Variants in CCAR2 observed in about 807,000 individuals in gnomAD.
The protein encoded by CCAR2 is cell cycle and apoptosis regulator protein 2.
Under a neutral mutation model 108.1 loss-of-function variants are expected in CCAR2, and 21 were observed. That is an observed-to-expected ratio of 0.19 (90% CI 0.14 to 0.28). CCAR2 has a LOEUF of 0.28. Ranked by LOEUF, CCAR2 falls within the 10% of genes least tolerant of loss-of-function variation. CCAR2 has a pLI of 1.00. For missense variants in CCAR2, 1,126 were observed against 1,177.0 expected, an observed-to-expected ratio of 0.96 and a Z score of 0.63; for synonymous variants, 577 against 472.8, an observed-to-expected ratio of 1.22 and a Z score of -2.86.
In CCAR2 at chr8:22,608,073, G is replaced by A. The variant is rs772837729; in HGVS notation, c.584+8G>A. The A allele has an allele frequency of 1.9e-6, 3 of 1,605,116 alleles. No homozygotes were observed. The highest frequency in any genetic ancestry group is 2.2e-5 in the East Asian group (1 of 44,820). On this transcript the variant is annotated splice_region_variant and intron_variant, in intron 7 of 20. Transcript: ENST00000308511. ...GTTGGATCAGGGCCGAAGGTAAGAG[G>A]ATGATGTCCCTTTTTTTGGCCACTT...
chr8:22,619,765 G>C lies in CCAR2; in HGVS notation c.*83G>C, dbSNP rs200564430. ...AGCCCTTGCGGTACCAGAAAGCAGCGAGAGCGAGACCTGGGAGCCAGGGCA... is the reference window on the plus strand; with the variant it reads ...AGCCCTTGCGGTACCAGAAAGCAGCCAGAGCGAGACCTGGGAGCCAGGGCA... On this transcript the variant is annotated 3_prime_UTR_variant, in exon 21 of 21. Coordinates refer to ENST00000308511, the MANE Select transcript of CCAR2 (RefSeq NM_001393997.1). 2.1e-6 allele frequency: 3 copies of C among 1,457,440 alleles called. No homozygotes were observed. The highest frequency in any genetic ancestry group is 1.9e-6 in the Non-Finnish European group (2 of 1,069,396). The allele number at this position is 1,457,440 out of a possible 1,614,324, so 90.3% of individuals were successfully genotyped here.
Position 22,618,629 on chromosome 8 carries a change from G to C in CCAR2, c.2233G>C (p.Val745Leu). 1 of 1,614,110 alleles carries C rather than the reference G, an allele frequency of 6.2e-7. No homozygotes were observed. The highest frequency in any genetic ancestry group is 8.5e-7 in the Non-Finnish European group (1 of 1,180,044). The change falls in exon 18 of 21, where the codon GTC becomes CTC. Residue 745 changes from valine to leucine, a missense_variant. Physicochemically the swap from Val to Leu is conservative, Grantham distance 32. Coordinates refer to ENST00000308511, the MANE Select transcript of CCAR2 (RefSeq NM_001393997.1). ...GTGTTTTCTGCAGGCCAAGCAGCTGGTCAGCAGGGTGGTGACCCAGAACAT... is the reference window on the plus strand; with the variant it reads ...GTGTTTTCTGCAGGCCAAGCAGCTGCTCAGCAGGGTGGTGACCCAGAACAT... Reference protein sequence around the residue: ...RLSAEQAKQLVSRVVTQNICQ... With the variant: ...RLSAEQAKQLLSRVVTQNICQ...
chr8:22,606,802 T>C (rs1586945954), intron 4 of CCAR2, 104 bp downstream of exon 4: 1 of 1,477,692 alleles, frequency 6.8e-7, no homozygotes, highest in Non-Finnish European at 9.4e-7. Flanking sequence ...TTTGCTGTTT[T>C]TGTGCAAGGT....
chr8:22,619,463 C>A, intron 20 of CCAR2, 108 bp downstream of exon 20: 1 of 1,432,836 alleles, frequency 7.0e-7, no homozygotes. Flanking sequence ...CCAGCAGGCA[C>A]CGGCTTCGTC....
At position 22,617,759 on chromosome 8, in the gene CCAR2, T is replaced by A; in HGVS notation, c.2054T>A (p.Phe685Tyr). The A allele has an allele frequency of 6.2e-7, 1 of 1,613,772 alleles. No individual in the cohort carries two copies. The highest frequency in any genetic ancestry group is 8.5e-7 in the Non-Finnish European group (1 of 1,179,984). ...SVASNQSEME[F>Y]SSLQDMPKEL... ...GCCTCAAACCAGTCAGAGATGGAGTTCTCTTCACTTCAGGACATGGTGAGG... is the reference window on the plus strand; with the variant it reads ...GCCTCAAACCAGTCAGAGATGGAGTACTCTTCACTTCAGGACATGGTGAGG... The change falls in exon 16 of 21, where the codon TTC becomes TAC. Residue 685 changes from phenylalanine (F) to tyrosine (Y), a missense_variant. Coordinates refer to ENST00000308511, the MANE Select transcript of CCAR2 (RefSeq NM_001393997.1).
intron 7 of CCAR2, among the ~76,000 whole-genome samples, chr8:22,608,288 C>T (rs1209868984): frequency 6.6e-6 from 1 of 152,046 alleles, no homozygotes; most frequent in East Asian, 1.9e-4. Flanking sequence ...GAATTTTATA[C>T]AGTGGTTAAG....
chr8:22,615,842 C>T lies in CCAR2; in HGVS notation c.1538C>T (p.Pro513Leu), dbSNP rs766746669. 3.7e-6 allele frequency: 6 copies of T among 1,614,058 alleles called. No individual in the cohort carries two copies. Among genetic ancestry groups the T allele is most frequent in the Non-Finnish European group, 4.2e-6 (5 of 1,180,048 alleles). The change falls in exon 13 of 21, where the codon CCT becomes CTT. Residue 513 changes from proline to leucine, a missense_variant. Physicochemically the swap from Pro to Leu is moderately conservative, Grantham distance 98. This residue lies in a region of CCAR2 where 1,013 missense variants were observed against 993.9 expected (regional missense o/e 1.02). Transcript: ENST00000308511. ...PPLEPAVIAR[P>L]GCVNLSLHGI... is the part of the protein sequence containing the mutation. ...CTAGAACCTGCTGTCATCGCACGCC[C>T]TGGCTGTGTAAACCTGTCCCTCCAT...
intron 18 of CCAR2, 37 bp from the exon 19 acceptor site, chr8:22,618,790 G>A (rs1484246325): frequency 1.9e-6 from 3 of 1,613,264 alleles, no homozygotes; most frequent in Non-Finnish European, 2.5e-6. Context: ...CCTCTCTGGA[G>A]ACTCCATCCT....
In CCAR2 at chr8:22,611,915, G is replaced by A. The variant is rs111836502; in HGVS notation, c.585-1102G>A. On this transcript the variant is annotated intron_variant, in intron 7 of 20. Coordinates refer to ENST00000308511, the MANE Select transcript of CCAR2 (RefSeq NM_001393997.1). ...GTTTGAGTGTTTTTATGACTTTAAT[G>A]TGTATTATTAAGGATTTGTAACTGT... 5.6e-3 allele frequency among the ~76,000 whole-genome samples: 851 copies of A among 150,770 alleles called. 4 individuals are homozygous for A. The highest frequency in any genetic ancestry group is 0.021 in the Middle Eastern group (6 of 286).
Position 22,619,865 on chromosome 8 carries a change from A to G in CCAR2, c.*183A>G, listed in dbSNP as rs1228561956. 3.2e-6 allele frequency: 2 copies of G among 616,146 alleles called. No individual in the cohort carries two copies. The highest frequency in any genetic ancestry group is 5.7e-6 in the Non-Finnish European group (2 of 348,702). The allele number at this position is 616,146 out of a possible 1,614,324, so 38.2% of individuals were successfully genotyped here. On this transcript the variant is annotated 3_prime_UTR_variant, in exon 21 of 21. Coordinates refer to ENST00000308511, the MANE Select transcript of CCAR2 (RefSeq NM_001393997.1). Reference sequence around the variant, plus strand: ...CTGGGGGCTGTGCTATGTGGGATGGATGTGTGAGGAACCCCGGTTCCACTT... The same window carrying G: ...CTGGGGGCTGTGCTATGTGGGATGGGTGTGTGAGGAACCCCGGTTCCACTT...
intron 7 of CCAR2, among the ~76,000 whole-genome samples, chr8:22,611,388 A>ATATGTGTGTGTGTGTGTGTG (rs1554559973): frequency 8.2e-4 from 105 of 128,486 alleles, no homozygotes; most frequent in East Asian, 1.7e-3. Flanking sequence ...AAGTATATAT[A>ATATGTGTGTGTGTGTGTGTG]TGTGTGTGTG....
In CCAR2 at chr8:22,614,501, A is replaced by G; in HGVS notation, c.1039A>G (p.Lys347Glu). The G allele has an allele frequency of 6.2e-7, 1 of 1,613,518 alleles. No homozygotes were observed. The highest frequency in any genetic ancestry group is 8.5e-7 in the Non-Finnish European group (1 of 1,179,588). Residue 347 changes from lysine (K) to glutamate (E), a missense_variant and splice_region_variant, in exon 10 of 21, where the codon AAG (lysine) becomes GAG (glutamate). Coordinates refer to ENST00000308511, the MANE Select transcript of CCAR2 (RefSeq NM_001393997.1). The part of the protein sequence containing the change: ...ETPEHPLKQI[K>E]FLLGRKEEEA... ...GCCAGAGCATCCTCTGAAGCAGATTAAGGTAAGAGCTGGAGAGCAGGAGGA... is the reference window on the plus strand; with the variant it reads ...GCCAGAGCATCCTCTGAAGCAGATTGAGGTAAGAGCTGGAGAGCAGGAGGA...
intron 16 of CCAR2, 174 bp from the exon 17 acceptor site, chr8:22,618,175 C>G: frequency 1.3e-6 from 1 of 790,072 alleles, no homozygotes; most frequent in South Asian, 1.6e-5. Context: ...ACTGCAGCCT[C>G]GAACTCCTGG....
chr8:22,606,717 C>A lies in CCAR2; in HGVS notation c.242+19C>A, dbSNP rs369387002. On this transcript the variant is annotated intron_variant, in intron 4 of 20. Transcript: ENST00000308511. ...AGCTAAGGTAGGCTTGAGGTTGGTC[C>A]CCTAACGGAAATGCTTATTGGATTC... is the stretch of plus-strand genomic sequence containing the variant. The A allele has an allele frequency of 6.2e-7, 1 of 1,600,372 alleles. No individual in the cohort carries two copies. The highest frequency in any genetic ancestry group is 8.6e-7 in the Non-Finnish European group (1 of 1,168,266).
chr8:22,620,724 G>C (rs1340927537), downstream of CCAR2: 2 of 152,322 alleles, frequency 1.3e-5, no homozygotes, highest in East Asian at 3.9e-4. Context: ...ACGTTTCATT[G>C]AAAATTTTAC....
intron 7 of CCAR2, among the ~76,000 whole-genome samples, chr8:22,610,609 G>C (rs1300097491): frequency 6.6e-6 from 1 of 152,238 alleles, no homozygotes; most frequent in African/African-American, 2.4e-5. Flanking sequence ...ATGGGCTACT[G>C]ACATCCCATC....
Position 22,618,382 on chromosome 8 carries a change from T to A in CCAR2, c.2107T>A (p.Leu703Ile). 6.2e-7 allele frequency: 1 copy of A among 1,614,236 alleles called. No individual in the cohort carries two copies. The highest frequency in any genetic ancestry group is 8.5e-7 in the Non-Finnish European group (1 of 1,180,038). ...GCTGGATCCCTCTGCTGTGCTCCCC[T>A]TAGACTGTCTGCTTGCTTTTGTGTT... ...KELDPSAVLP[L>I]DCLLAFVFFD... Residue 703 changes from leucine (L) to isoleucine (I), a missense_variant, in exon 17 of 21, where the codon TTA becomes ATA. Physicochemically the swap from Leu to Ile is conservative, Grantham distance 5 (BLOSUM62 2). Coordinates refer to ENST00000308511, the MANE Select transcript of CCAR2 (RefSeq NM_001393997.1).
rs1801701378 is a variant in CCAR2 at position 22,619,946 on chromosome 8, T to C, written c.*264T>C. On this transcript the variant is annotated 3_prime_UTR_variant, in exon 21 of 21. Coordinates refer to ENST00000308511, the MANE Select transcript of CCAR2 (RefSeq NM_001393997.1). ...TAGAATGTCATTTTGCCCTCAACCT[T>C]GGTATTTCTCCTGGGGCCCTTTTAG... 1.9e-6 allele frequency: 1 copy of C among 525,202 alleles called. No individual in the cohort carries two copies. The allele number at this position is 525,202 out of a possible 1,614,324, so 32.5% of individuals were successfully genotyped here. A position where few individuals can be genotyped will look rare whatever the true frequency, so the allele number is the denominator to read the frequency against.
At chr8:22,605,685 A>G (rs1801046064) in intron 1 of CCAR2, 51 bp from the exon 2 acceptor site, 1 of 1,092,368 alleles carries the variant, frequency 9.2e-7, no homozygotes, top group African/African-American at 1.6e-5. Context: ...TTCCGGGTAT[A>G]GATGGAAATT....
Sources: gnomAD v4.1 joint callset for allele counts (sites outside exome capture counted in the v4.1 genomes callset) on GRCh38, gnomAD v4.1.1 for gene constraint, gnomAD v4.1.1 regional missense constraint, MANE v1.5 for transcripts, NCBI Gene and HGNC (gene_info 2026-07-23, HGNC 2026-07-21) for gene names.